The following KRT78 variants were observed in gnomAD, a reference collection of about 807,000 sequenced individuals.
The protein encoded by KRT78 is keratin 78.
A neutral mutation model predicts 51.4 loss-of-function variants in KRT78; 55 were observed. The ratio of observed to expected loss-of-function variants is 1.07; its 90% CI spans 0.86 to 1.34. The LOEUF is 1.34. Among genes scored for constraint, KRT78 ranks in the 40% most tolerant of loss-of-function variants. The pLI is 0.00. For missense variants in KRT78, 652 were observed against 649.4 expected (o/e 1.00, Z -0.04); for synonymous variants, 291 against 264.3 (o/e 1.10, Z -0.98).
Position 52,844,600 on chromosome 12 carries a change from G to A in KRT78, c.880C>T (p.Arg294Trp), listed in dbSNP as rs778802464. 40 of 1,613,902 alleles carry A rather than the reference G, an allele frequency of 2.5e-5. No individual in the cohort carries two copies. Among genetic ancestry groups the A allele is most frequent in the Middle Eastern group, 3.3e-4 (2 of 6,084 alleles). The change falls in exon 5 of 9, where the codon CGG becomes TGG. Residue 294 changes from arginine (R) to tryptophan (W), a missense_variant. Arg to Trp is a moderately radical substitution (Grantham distance 101). Transcript: ENST00000304620. ...EVRARYEEIA[R>W]SSKAEAEALY... ...GCCTCAGCCTCAGCCTTGCTGCTCC[G>A]GGCGATCTCCTCGTACCGGGCGCGG...
chr12:52,848,302 T>G (rs1305500665), intron 1 of KRT78, 181 bp from the exon 2 acceptor site: 1 of 1,533,076 alleles, frequency 6.5e-7, no homozygotes, highest in Admixed American at 2.0e-5. Context: ...ATGACTGGAC[T>G]GACTAATGGG....
chr12:52,846,352 G>T, intron 3 of KRT78, 60 bp from the exon 4 acceptor site: 1 of 1,070,820 alleles, frequency 9.3e-7, no homozygotes, highest in Non-Finnish European at 1.5e-6. Context: ...TCCCTACTCT[G>T]GCTCAGGAAT....
intron 3 of KRT78, 47 bp downstream of exon 3, chr12:52,846,717 A>T: frequency 1.3e-6 from 2 of 1,534,388 alleles, no homozygotes; most frequent in Non-Finnish European, 1.8e-6. Flanking sequence ...GGCTCCGTGC[A>T]CAGTGGATGC....
chr12:52,840,934 T>C (rs1210072763), intron 6 of KRT78, among the ~76,000 whole-genome samples: 1 of 152,076 alleles, frequency 6.6e-6, no homozygotes, highest in African/African-American at 2.4e-5. Flanking sequence ...TTTGTGGTGA[T>C]TTGTCATGAC....
intron 7 of KRT78, 42 bp downstream of exon 7, chr12:52,839,722 T>A: frequency 6.4e-7 from 1 of 1,572,772 alleles, no homozygotes; most frequent in Non-Finnish European, 8.7e-7. Flanking sequence ...CCCATCCTCC[T>A]CCCCAAACTC....
At chr12:52,842,308 A>G (rs1046320282) in intron 6 of KRT78, among the ~76,000 whole-genome samples, 1 of 152,114 alleles carries the variant, frequency 6.6e-6, no homozygotes, top group Non-Finnish European at 1.5e-5. Flanking sequence ...ACCCAAATTG[A>G]TATTTTGGGT....
chr12:52,846,664 C>T (rs1940649926), intron 3 of KRT78, 100 bp downstream of exon 3: 2 of 1,084,746 alleles, frequency 1.8e-6, no homozygotes, highest in Admixed American at 1.9e-5. Context: ...ATAGCCTGTC[C>T]TAAATCAGGA....
In KRT78 at chr12:52,847,967, C is replaced by T. The variant is rs187836523; in HGVS notation, c.539G>A (p.Arg180Gln). 92 of 1,614,202 alleles carry T rather than the reference C, an allele frequency of 5.7e-5. No individual in the cohort carries two copies. Among genetic ancestry groups the T allele is most frequent in the Admixed American group, 1.0e-4 (6 of 60,032 alleles). ...RKQLEQLQGE[R>Q]GALDAELKAC... ...CTTCAACTCAGCATCCAGAGCCCCT[C>T]GTTCTCCCTGGAGCTGCTCCAGCTG... The change falls in exon 2 of 9, where the codon CGA becomes CAA. Residue 180 changes from arginine (R) to glutamine (Q), a missense_variant. Transcript: ENST00000304620.
chr12:52,841,329 A>T (rs1347861797), intron 6 of KRT78, among the ~76,000 whole-genome samples: 1 of 151,832 alleles, frequency 6.6e-6, no homozygotes, highest in Non-Finnish European at 1.5e-5. Flanking sequence ...TAAAAATAAA[A>T]AAAAAAAATT....
At position 52,839,085 on chromosome 12, in the gene KRT78, T is replaced by A; in HGVS notation, c.*28A>T. 3 of 1,602,360 alleles carry A rather than the reference T, an allele frequency of 1.9e-6. No individual in the cohort carries two copies. The South Asian group carries it at 3.4e-5, about 18-fold the overall frequency. On this transcript the variant is annotated 3_prime_UTR_variant, in exon 9 of 9. Transcript: ENST00000304620. ...TGATGGGGGGAGTGGGCCAAATGTG[T>A]TCAGGAAGGAGGTGGCTGCTGGGTC...
chr12:52,846,299 A>T lies in KRT78; in HGVS notation c.661-7T>A. On this transcript the variant is annotated splice_polypyrimidine_tract_variant and splice_region_variant and intron_variant, in intron 3 of 8. Coordinates refer to ENST00000304620, the MANE Select transcript of KRT78 (RefSeq NM_173352.4). The stretch of plus-strand genomic sequence containing the variant: ...GGAAAACCCCATCCACATCCTGGAG[A>T]CAAGGGGAGAGAGAACACGTAACCC... 6.3e-7 allele frequency: 1 copy of T among 1,582,462 alleles called. No homozygotes were observed. Among genetic ancestry groups the T allele is most frequent in the Non-Finnish European group, 8.7e-7 (1 of 1,151,484 alleles).
In KRT78 at chr12:52,838,914, C is replaced by T. The variant is rs961832225; in HGVS notation, c.*199G>A. The stretch of plus-strand genomic sequence containing the variant: ...GAGGAGAGGAAGCTGGGGAGCCACA[C>T]AGCTTTTGTTTTGCTGGGTGAGGTG... On this transcript the variant is annotated 3_prime_UTR_variant, in exon 9 of 9. Transcript: ENST00000304620. 5 of 637,590 alleles carry T rather than the reference C, an allele frequency of 7.8e-6. No homozygotes were observed. Among genetic ancestry groups the T allele is most frequent in the African/African-American group, 7.3e-5 (4 of 54,606 alleles). The allele number at this position is 637,590 out of a possible 1,614,324, so 39.5% of individuals were successfully genotyped here. A position where few individuals can be genotyped will look rare whatever the true frequency, so the allele number is the denominator to read the frequency against.
rs1299063277 is a variant in KRT78 at position 52,842,959 on chromosome 12, G to GAGAGAGAGAGAA, written c.1047+1133_1047+1134insTTCTCTCTCTCT. ...AGAAAGAGAGAGAGAGAGAGAGAGAGAGGAAGGAAGGAAGGAAGGAAGGAA... is the reference window on the plus strand; with the variant it reads ...AGAAAGAGAGAGAGAGAGAGAGAGAGAGAGAGAGAGAAAGGAAGGAAGGAAGGAAGGAAGGAA... On this transcript the variant is annotated intron_variant, in intron 6 of 8. Coordinates refer to ENST00000304620, the MANE Select transcript of KRT78 (RefSeq NM_173352.4). 7.7e-3 allele frequency among the ~76,000 whole-genome samples: 414 copies of GAGAGAGAGAGAA among 53,632 alleles called. 9 individuals are homozygous for GAGAGAGAGAGAA. Among genetic ancestry groups the GAGAGAGAGAGAA allele is most frequent in the Middle Eastern group, 0.027 (3 of 112 alleles). The allele number at this position is 53,632 out of a possible 152,430, so 35.2% of individuals were successfully genotyped here.
At position 52,839,093 on chromosome 12, in the gene KRT78, G is replaced by A. The variant is rs779997903; in HGVS notation, c.*20C>T. 5.0e-6 allele frequency: 8 copies of A among 1,607,062 alleles called. No individual in the cohort carries two copies. The highest frequency in any genetic ancestry group is 6.8e-6 in the Non-Finnish European group (8 of 1,177,614). On this transcript the variant is annotated 3_prime_UTR_variant, in exon 9 of 9. Transcript: ENST00000304620. ...GGAGTGGGCCAAATGTGTTCAGGAA[G>A]GAGGTGGCTGCTGGGTCGCTCAGTA...
rs1368074351 is a variant in KRT78, at chr12:52,848,068, C to A, written c.438G>T (p.Leu146=). ...GGCTGCCACTCAACCCCTGTTGCTGCAGCAGATGCCACTTCGTCTCCAGGA... is the reference window on the plus strand; with the variant it reads ...GGCTGCCACTCAACCCCTGTTGCTGAAGCAGATGCCACTTCGTCTCCAGGA... The part of the protein sequence containing the change: ...NKVLETKWHL[L]QQQGLSGSQQ... The change falls in exon 2 of 9, where the codon CTG becomes CTT. Residue 146 remains leucine, a synonymous_variant. Coordinates refer to ENST00000304620, the MANE Select transcript of KRT78 (RefSeq NM_173352.4). 6.2e-7 allele frequency: 1 copy of A among 1,614,084 alleles called. No homozygotes were observed. Among genetic ancestry groups the A allele is most frequent in the Admixed American group, 1.7e-5 (1 of 60,014 alleles).
Position 52,839,131 on chromosome 12 carries a change from C to A in KRT78, c.1545G>T (p.Lys515Asn), listed in dbSNP as rs1592142574. ...ILKKTVESSL[K>N]TSITY ...GGGTCGCTCAGTAGGTGATGGATGT[C>A]TTCAGACTCGACTCAACTGTCTTCT... Residue 515 changes from lysine to asparagine, a missense_variant, in exon 9 of 9, where the codon AAG (lysine) becomes AAT (asparagine). Coordinates refer to ENST00000304620, the MANE Select transcript of KRT78 (RefSeq NM_173352.4). 1.2e-6 allele frequency: 2 copies of A among 1,613,186 alleles called. No homozygotes were observed. Among genetic ancestry groups the A allele is most frequent in the Non-Finnish European group, 1.7e-6 (2 of 1,179,816 alleles).
At chr12:52,844,496 C>T in intron 5 of KRT78, 63 bp downstream of exon 5, 2 of 1,562,100 alleles carry the variant, frequency 1.3e-6, no homozygotes, top group Admixed American at 1.8e-5. Flanking sequence ...GATGACCACC[C>T]TAGAGTTTGG....
Position 52,848,854 on chromosome 12 carries a change from C to T in KRT78, c.77G>A (p.Ser26Asn), listed in dbSNP as rs779392774. 10 of 1,612,572 alleles carry T rather than the reference C, an allele frequency of 6.2e-6. No individual in the cohort carries two copies. The highest frequency in any genetic ancestry group is 8.5e-6 in the Non-Finnish European group (10 of 1,179,468). Residue 26 changes from serine (S) to asparagine (N), a missense_variant, in exon 1 of 9, where the codon AGC becomes AAC. Coordinates refer to ENST00000304620, the MANE Select transcript of KRT78 (RefSeq NM_173352.4). ...GCCCCTGCTGCTGAAGCCTCCCCTGCTGCGGCCCCTTGAGCGAGCAGAACA... is the reference window on the plus strand; with the variant it reads ...GCCCCTGCTGCTGAAGCCTCCCCTGTTGCGGCCCCTTGAGCGAGCAGAACA... ...SACSARSRGR[S>N]RGGFSSRGGF... is the part of the protein sequence containing the mutation.
chr12:52,841,310 T>C (rs577310988), intron 6 of KRT78, among the ~76,000 whole-genome samples: 15 of 149,530 alleles, frequency 1.0e-4, no homozygotes, highest in Non-Finnish European at 1.9e-4. Context: ...GGCGAAACCC[T>C]GTCTCTACTA....
Sources: allele counts gnomAD v4.1 joint callset (sites outside exome capture counted in the v4.1 genomes callset), GRCh38; gene constraint gnomAD v4.1.1; transcripts MANE v1.5; gene names NCBI Gene and HGNC (gene_info 2026-07-23, HGNC 2026-07-21).